Variants in SLC25A26 observed in about 807,000 individuals in gnomAD.
The protein encoded by SLC25A26 is mitochondrial S-adenosylmethionine carrier protein.
In SLC25A26, 36 loss-of-function variants were observed where a neutral mutation model predicts 37.8. The observed-to-expected ratio is 0.95, with a 90% confidence interval of 0.73 to 1.26. The LOEUF is 1.26. Among genes scored for constraint, SLC25A26 ranks in the 50% most tolerant of loss-of-function variants. SLC25A26 has a pLI of 0.00. For synonymous variants in SLC25A26, 129 were observed against 122.5 expected, an observed-to-expected ratio of 1.05 and a Z score of -0.35; for missense variants, 390 against 331.1, an observed-to-expected ratio of 1.18 and a Z score of -1.38.
chr3:66,152,963 A>G lies in SLC25A26; in HGVS notation c.-354+18979A>G, dbSNP rs544022150. ...AAATATAGATGTCTAGATTTGTAAA[A>G]TAAGTTTCCTGGGGCAGGACCCCAA... On this transcript the variant is annotated intron_variant, in intron 1 of 10. Coordinates refer to the SLC25A26 transcript ENST00000676754. Among the ~76,000 whole-genome samples the G allele has an allele frequency of 1.1e-4, 16 of 152,344 alleles. 2 individuals are homozygous for G. Among genetic ancestry groups the G allele is most frequent in the African/African-American group, 3.4e-4 (14 of 41,590 alleles).
chr3:66,159,347 A>G (rs2070325666), intron 1 of SLC25A26, among the ~76,000 whole-genome samples: 1 of 152,216 alleles, frequency 6.6e-6, no homozygotes, highest in African/African-American at 2.4e-5. Flanking sequence ...TCCATGACCT[A>G]TTAAATCCTC....
chr3:66,368,514 A>G (rs1296570567), intron 7 of SLC25A26, among the ~76,000 whole-genome samples: 1 of 152,190 alleles, frequency 6.6e-6, no homozygotes, highest in African/African-American at 2.4e-5. Context: ...AGCGAGACTC[A>G]GGCTAAGAAG....
chr3:66,261,974 A>G, intron 3 of SLC25A26, 77 bp from the exon 4 acceptor site: 1 of 809,694 alleles, frequency 1.2e-6, no homozygotes, highest in Admixed American at 2.6e-5. Context: ...TTTTTACTAC[A>G]ATTTTTGCTT....
At chr3:66,182,393 GTAAGAGT>G (rs1207716316) in intron 1 of SLC25A26, among the ~76,000 whole-genome samples, 8 of 152,168 alleles carry the variant, frequency 5.3e-5, no homozygotes, top group Non-Finnish European at 1.2e-4. Context: ...TTGGGATTAT[GTAAGAGT>G]TATGGCAATT....
At chr3:66,226,486 T>A (rs2071759267) in intron 1 of SLC25A26, among the ~76,000 whole-genome samples, 1 of 152,144 alleles carries the variant, frequency 6.6e-6, no homozygotes. Context: ...CTTTTCTTTT[T>A]TTTTTGAGAC....
chr3:66,169,288 T>C (rs1242477188), intron 1 of SLC25A26, among the ~76,000 whole-genome samples: 1 of 152,158 alleles, frequency 6.6e-6, no homozygotes, highest in African/African-American at 2.4e-5. Flanking sequence ...AGTGCAGTAT[T>C]AGATTTACTG....
intron 1 of SLC25A26, among the ~76,000 whole-genome samples, chr3:66,176,329 G>A (rs2070586522): frequency 6.6e-6 from 1 of 152,190 alleles, no homozygotes; most frequent in Admixed American, 6.5e-5. Flanking sequence ...TGTTATATAA[G>A]CATAAAGAAC....
intron 1 of SLC25A26, among the ~76,000 whole-genome samples, chr3:66,195,423 G>C (rs956966625): frequency 6.6e-6 from 1 of 152,358 alleles, no homozygotes; most frequent in South Asian, 2.1e-4. Flanking sequence ...CTGCTGCAAC[G>C]GCCTGACAAG....
At chr3:66,347,167 A>G (rs895396393) in intron 6 of SLC25A26, among the ~76,000 whole-genome samples, 24 of 152,252 alleles carry the variant, frequency 1.6e-4, no homozygotes, top group African/African-American at 5.8e-4. Flanking sequence ...AAAAGAAACT[A>G]TCATCAGAGC....
intron 3 of SLC25A26, among the ~76,000 whole-genome samples, chr3:66,254,229 C>T (rs1233496191): frequency 6.6e-6 from 1 of 152,106 alleles, no homozygotes; most frequent in South Asian, 2.1e-4. Flanking sequence ...AGATGGCAGA[C>T]TTGACACACA....
chr3:66,319,787 CTT>C (rs2075644344), intron 5 of SLC25A26, among the ~76,000 whole-genome samples: 1 of 105,972 alleles, frequency 9.4e-6, no homozygotes, highest in African/African-American at 3.9e-5. Context: ...AAGTTTCACT[CTT>C]GTTGCCCAGG....
At chr3:66,300,614 C>G (rs1246157402) in intron 5 of SLC25A26, among the ~76,000 whole-genome samples, 1 of 152,014 alleles carries the variant, frequency 6.6e-6, no homozygotes, top group Non-Finnish European at 1.5e-5. Context: ...TATATACATC[C>G]TCCTAGGGAT....
intron 3 of SLC25A26, among the ~76,000 whole-genome samples, chr3:66,246,071 TG>T (rs2072824784): frequency 6.6e-6 from 1 of 152,252 alleles, no homozygotes; most frequent in Non-Finnish European, 1.5e-5. Flanking sequence ...CTACAATATG[TG>T]GTCTTTTGTT....
chr3:66,295,258 C>T (rs1442725182), intron 5 of SLC25A26, among the ~76,000 whole-genome samples: 3 of 152,102 alleles, frequency 2.0e-5, no homozygotes, highest in Non-Finnish European at 2.9e-5. Flanking sequence ...GAGTCCCGCA[C>T]TTTTGGCTGG....
At chr3:66,213,705 A>C (rs1431271018) in intron 1 of SLC25A26, among the ~76,000 whole-genome samples, 1 of 152,156 alleles carries the variant, frequency 6.6e-6, no homozygotes, top group African/African-American at 2.4e-5. Flanking sequence ...TTGGACAAAC[A>C]TATAATAACA....
At chr3:66,231,863 C>G (rs1403013298) in intron 1 of SLC25A26, among the ~76,000 whole-genome samples, 1 of 151,622 alleles carries the variant, frequency 6.6e-6, no homozygotes, top group Non-Finnish European at 1.5e-5. Context: ...CCTCAAACTC[C>G]TGGGCCCAAG....
intron 1 of SLC25A26, among the ~76,000 whole-genome samples, chr3:66,165,333 T>G (rs937973688): frequency 6.6e-6 from 1 of 152,224 alleles, no homozygotes; most frequent in Non-Finnish European, 1.5e-5. Context: ...GCTACTCAGC[T>G]AAGCTGCTTT....
At chr3:66,166,969 G>A (rs759620733) in intron 1 of SLC25A26, among the ~76,000 whole-genome samples, 1 of 151,940 alleles carries the variant, frequency 6.6e-6, no homozygotes, top group Non-Finnish European at 1.5e-5. Context: ...CACGAGATCT[G>A]ATGGTTTTAT....
At chr3:66,248,771 G>A (rs1047558912) in intron 3 of SLC25A26, among the ~76,000 whole-genome samples, 8 of 152,174 alleles carry the variant, frequency 5.3e-5, no homozygotes, top group African/African-American at 1.9e-4. Flanking sequence ...TTTTGTAAAT[G>A]TTTTTCTGAC....
Sources: allele counts gnomAD v4.1 joint callset (sites outside exome capture counted in the v4.1 genomes callset), GRCh38; gene constraint gnomAD v4.1.1; transcripts MANE v1.5; gene names NCBI Gene and HGNC (gene_info 2026-07-23, HGNC 2026-07-21).